MINK1: variants seen among roughly 807,000 people sequenced by gnomAD.
MINK1 encodes misshapen-like kinase 1.
Under a neutral mutation model 178.4 loss-of-function variants are expected in MINK1, and 46 were observed. The observed-to-expected ratio is 0.26, with a 90% CI of 0.20 to 0.33. The LOEUF (loss-of-function observed/expected upper bound fraction) is 0.33. Ranked by LOEUF, MINK1 falls within the 10% of genes least tolerant of loss-of-function variation. The pLI is 1.00. For missense variants in MINK1, 1,366 were observed against 1,814.9 expected, an observed-to-expected ratio of 0.75 and a Z score of 4.49; for synonymous variants, 797 against 709.7, an observed-to-expected ratio of 1.12 and a Z score of -1.96.
intron 2 of MINK1, 126 bp downstream of exon 2, chr17:4,878,508 C>A: frequency 1.2e-6 from 1 of 842,892 alleles, no homozygotes; most frequent in Non-Finnish European, 1.8e-6. Context: ...GTCTAGGGCC[C>A]TGGAAAGGTA....
chr17:4,878,353 G>T lies in MINK1; in HGVS notation c.94G>T (p.Gly32Cys). 6.5e-7 allele frequency: 1 copy of T among 1,537,446 alleles called. No homozygotes were observed. Among genetic ancestry groups the T allele is most frequent in the South Asian group, 1.2e-5 (1 of 84,094 alleles). Residue 32 changes from glycine (G) to cysteine (C), a missense_variant, in exon 2 of 32, where the codon GGC becomes TGC. Physicochemically the swap from Gly to Cys is radical, Grantham distance 159 (BLOSUM62 -3). Around this residue, in one of 14 missense-constraint regions of MINK1, gnomAD observed 109 missense variants for 369.4 expected, o/e 0.30. Transcript: ENST00000355280. Reference sequence around the variant, plus strand: ...GATCTTTGAGCTTGTGGAGGTGGTCGGCAATGGAACCTACGGACAGGTGTA... The same window carrying T: ...GATCTTTGAGCTTGTGGAGGTGGTCTGCAATGGAACCTACGGACAGGTGTA... ...AGIFELVEVV[G>C]NGTYGQVYKG...
In MINK1 at chr17:4,892,710, T is replaced by G. The variant is rs1259294927; in HGVS notation, c.2253T>G (p.Leu751=). The part of the protein sequence containing the change: ...DPGWERSDSV[L]PASHGHLPQA... ...GCTGGGAACGCTCGGACAGCGTCCT[T>G]CCAGCCTCTCACGGGCACCTCCCCC... Residue 751 remains leucine (L), a synonymous_variant, in exon 19 of 32, where the codon CTT becomes CTG. Coordinates refer to ENST00000355280, the MANE Select transcript of MINK1 (RefSeq NM_153827.5). 1 of 1,612,046 alleles carries G rather than the reference T, an allele frequency of 6.2e-7. No individual in the cohort carries two copies. Among genetic ancestry groups the G allele is most frequent in the Non-Finnish European group, 8.5e-7 (1 of 1,179,574 alleles).
chr17:4,894,972 C>G lies in MINK1; in HGVS notation c.2918-103C>G. On this transcript the variant is annotated intron_variant, in intron 24 of 31. Transcript: ENST00000355280. This position sits in a 1 kb window ranked among gnomAD's most constrained non-coding sequence, Gnocchi z 4.1. The stretch of plus-strand genomic sequence containing the variant: ...TCTCCTCCTGTCTTTCTCCTCCTTT[C>G]TGCGTATTATGAGGTGCCAAGACCT... 5 of 1,244,738 alleles carry G rather than the reference C, an allele frequency of 4.0e-6. No individual in the cohort carries two copies. Among genetic ancestry groups the G allele is most frequent in the South Asian group, 1.4e-5 (1 of 72,376 alleles). 77.1% of individuals were successfully genotyped at this position (1,244,738 alleles called of 1,614,324 possible).
intron 1 of MINK1, among the ~76,000 whole-genome samples, chr17:4,868,549 A>G (rs543449914): frequency 1.3e-5 from 2 of 152,188 alleles, no homozygotes; most frequent in African/African-American, 4.8e-5. Context: ...ACTTAACATA[A>G]TATCCTCTGG....
Position 4,885,039 on chromosome 17 carries a change from C to A in MINK1, c.508+37C>A, listed in dbSNP as rs1309715520. 6.2e-7 allele frequency: 1 copy of A among 1,601,098 alleles called. No individual in the cohort carries two copies. Among genetic ancestry groups the A allele is most frequent in the Non-Finnish European group, 8.6e-7 (1 of 1,169,266 alleles). On this transcript the variant is annotated intron_variant, in intron 6 of 31. Transcript: ENST00000355280. The surrounding 1 kb of genome is among the most constrained non-coding windows in gnomAD (Gnocchi z 5.0). ...CCTTCTGAGGCTGACGAGGACCTTT[C>A]ACCTCCAGAACAGAGAATGAGGGGC... is the stretch of plus-strand genomic sequence containing the variant.
chr17:4,893,206 T>C (rs552002989), intron 20 of MINK1, 139 bp downstream of exon 20: 38 of 1,569,124 alleles, frequency 2.4e-5, no homozygotes, highest in Admixed American at 3.5e-5. Flanking sequence ...CTTCTCATGG[T>C]GCTAACCTTT....
intron 4 of MINK1, among the ~76,000 whole-genome samples, chr17:4,881,660 T>C (rs555812242): frequency 6.6e-6 from 1 of 152,330 alleles, no homozygotes; most frequent in East Asian, 1.9e-4. Context: ...AAAATATTTG[T>C]GGGAGATAAC....
chr17:4,868,476 T>C (rs191697207), intron 1 of MINK1, among the ~76,000 whole-genome samples: 78 of 152,324 alleles, frequency 5.1e-4, no homozygotes, highest in Admixed American at 4.8e-3. Flanking sequence ...AGACCAGCTC[T>C]TTCTAGTCTC....
In MINK1 at chr17:4,834,892, T is replaced by G. The variant is rs1298014915; in HGVS notation, c.57+1252T>G. 1.3e-5 allele frequency: 7 copies of G among 519,752 alleles called. No homozygotes were observed. In the East Asian group the frequency reaches 3.3e-4, roughly 24 times the overall value. 32.2% of individuals were successfully genotyped at this position (519,752 alleles called of 1,614,324 possible). On this transcript the variant is annotated intron_variant, in intron 1 of 31. Transcript: ENST00000355280. ...GCCACACAGGTGCCCCGGATATGGC[T>G]GGAGGGGAGAGGGGAATTGAAGAGA...
At chr17:4,874,157 A>G (rs970995237) in intron 1 of MINK1, among the ~76,000 whole-genome samples, 1 of 152,254 alleles carries the variant, frequency 6.6e-6, no homozygotes, top group Non-Finnish European at 1.5e-5. Flanking sequence ...TGGCCAATCT[A>G]TAAAATTATA....
rs1469765946 is a variant in MINK1, at chr17:4,891,556, C to T, written c.1841C>T (p.Pro614Leu). ...DQPTRNLAAF[P>L]ASHDPDPAIP... ...CCCACCCGAAACCTGGCTGCCTTCC[C>T]AGCCTCCCATGACCCCGACCCTGCC... Residue 614 changes from proline (P) to leucine (L), a missense_variant, in exon 16 of 32, where the codon CCA becomes CTA. Pro to Leu is a moderately conservative substitution (Grantham distance 98, BLOSUM62 -3). Coordinates refer to ENST00000355280, the MANE Select transcript of MINK1 (RefSeq NM_153827.5). 1 of 1,608,550 alleles carries T rather than the reference C, an allele frequency of 6.2e-7. No homozygotes were observed. The highest frequency in any genetic ancestry group is 1.3e-5 in the African/African-American group (1 of 74,786).
intron 1 of MINK1, among the ~76,000 whole-genome samples, chr17:4,867,033 G>T (rs1597459993): frequency 7.0e-6 from 1 of 143,474 alleles, no homozygotes; most frequent in East Asian, 2.1e-4. Flanking sequence ...GGACCGTGCC[G>T]CTTGCACTCC....
At chr17:4,839,936 TTAATGTGTG>T (rs1328889220) in intron 1 of MINK1, among the ~76,000 whole-genome samples, 2 of 124,942 alleles carry the variant, frequency 1.6e-5, no homozygotes, top group Non-Finnish European at 3.2e-5. Context: ...TAATTATTTA[TTAATGTGTG>T]TGTGTGTGTG....
chr17:4,896,410 TC>T lies in MINK1; in HGVS notation c.3616-14del, dbSNP rs747736871. 6.2e-7 allele frequency: 1 copy of T among 1,612,744 alleles called. No homozygotes were observed. The highest frequency in any genetic ancestry group is 8.5e-7 in the Non-Finnish European group (1 of 1,179,304). On this transcript the variant is annotated intron_variant, in intron 29 of 31. Coordinates refer to ENST00000355280, the MANE Select transcript of MINK1 (RefSeq NM_153827.5). This position sits in a 1 kb window ranked among gnomAD's most constrained non-coding sequence, Gnocchi z 4.6. ...TGGGCACCAGACACGGAGACTCTAGTCCCCCTCCTTCTCCCCAGATCCAGAG... is the reference window on the plus strand; with the variant it reads ...TGGGCACCAGACACGGAGACTCTAGTCCCCTCCTTCTCCCCAGATCCAGAG...
Position 4,887,617 on chromosome 17 carries a change from C to T in MINK1, c.1057C>T (p.Arg353Trp), listed in dbSNP as rs1388894096. The T allele has an allele frequency of 1.9e-6, 3 of 1,564,978 alleles. No homozygotes were observed. The highest frequency in any genetic ancestry group is 1.7e-6 in the Non-Finnish European group (2 of 1,157,402). The change falls in exon 12 of 32, where the codon CGG becomes TGG. Residue 353 changes from arginine to tryptophan, a missense_variant. This residue lies in a region of MINK1 where 56 missense variants were observed against 64.0 expected (regional missense o/e 0.87). Transcript: ENST00000355280. The surrounding 1 kb of genome is among the most constrained non-coding windows in gnomAD (Gnocchi z 7.6). ...CGTGCCTGGAGAGTCGACTCTACGC[C>T]GGGAGTTTCTCCGGCTCCAGCAGGA... ...MNVPGESTLR[R>W]EFLRLQQENK... is the part of the protein sequence containing the mutation.
chr17:4,837,335 G>T (rs1456767443), intron 1 of MINK1, among the ~76,000 whole-genome samples: 2 of 152,220 alleles, frequency 1.3e-5, no homozygotes, highest in East Asian at 3.8e-4. Context: ...TACAACACGT[G>T]CCACTTACAA....
Position 4,884,802 on chromosome 17 carries a change from G to T in MINK1, c.418-110G>T, listed in dbSNP as rs910560105. On this transcript the variant is annotated intron_variant, in intron 5 of 31. Transcript: ENST00000355280. ...CTGGTGGAGAAGGTCTGCTCCTTCA[G>T]CCCAGCCCTGTCCAGACTGACTGCT... is the stretch of plus-strand genomic sequence containing the variant. 1.2e-4 allele frequency: 115 copies of T among 954,226 alleles called. 1 individual carries two copies. The South Asian group carries it at 1.4e-3, about 11-fold the overall frequency. The allele number at this position is 954,226 out of a possible 1,614,324, so 59.1% of individuals were successfully genotyped here.
At chr17:4,878,198 C>A in intron 1 of MINK1, 119 bp from the exon 2 acceptor site, 1 of 810,150 alleles carries the variant, frequency 1.2e-6, no homozygotes, top group Non-Finnish European at 2.0e-6. Context: ...CTGCCACGTG[C>A]CCTCCTGATA....
At chr17:4,867,797 G>A (rs1271707389) in intron 1 of MINK1, among the ~76,000 whole-genome samples, 2 of 151,664 alleles carry the variant, frequency 1.3e-5, no homozygotes, top group Admixed American at 1.3e-4. Context: ...GGGTGACAGA[G>A]TGAGACTGTC....
Sources: allele counts gnomAD v4.1 joint callset (sites outside exome capture counted in the v4.1 genomes callset), GRCh38; gene constraint gnomAD v4.1.1; regional missense constraint gnomAD v4.1.1; non-coding constraint Gnocchi (gnomAD v3.1); transcripts MANE v1.5; gene names NCBI Gene and HGNC (gene_info 2026-07-23, HGNC 2026-07-21).